SENP2: variants seen among roughly 807,000 people sequenced by gnomAD.
The protein encoded by SENP2 is sentrin-specific protease 2.
A neutral mutation model predicts 86.3 loss-of-function variants in SENP2; 16 were observed. That is an observed-to-expected ratio of 0.19 (90% confidence interval 0.13 to 0.28). The LOEUF is 0.28. Ranked by LOEUF, SENP2 falls within the 10% of genes least tolerant of loss-of-function variation. The probability of loss-of-function intolerance (pLI) is 1.00; values close to 1 mark genes in which losing one functional copy is unlikely to be tolerated. For synonymous variants in SENP2, 222 were observed against 238.7 expected (o/e 0.93, Z 0.64); for missense variants, 552 against 703.0 (o/e 0.79, Z 2.43).
At chr3:185,608,400 G>T (rs1218417759) in intron 6 of SENP2, among the ~76,000 whole-genome samples, 1 of 152,200 alleles carries the variant, frequency 6.6e-6, no homozygotes, top group Non-Finnish European at 1.5e-5. Context: ...AAAGTAGATA[G>T]AAGGGTCTGA....
At chr3:185,611,053 G>A (rs1722672707) in intron 7 of SENP2, among the ~76,000 whole-genome samples, 1 of 152,156 alleles carries the variant, frequency 6.6e-6, no homozygotes, top group African/African-American at 2.4e-5. Context: ...AGGCAGGTGG[G>A]TCACTGGAGG....
chr3:185,629,492 C>T (rs1014894587), intron 16 of SENP2, among the ~76,000 whole-genome samples: 4 of 151,758 alleles, frequency 2.6e-5, no homozygotes, highest in Non-Finnish European at 4.4e-5. Context: ...GGACAAGAAT[C>T]GCTCGAACCC....
intron 7 of SENP2, chr3:185,611,400 CTG>C: frequency 2.8e-6 from 1 of 352,756 alleles, no homozygotes; most frequent in Middle Eastern, 8.4e-4. Flanking sequence ...TAGTGCATCA[CTG>C]GGGATTCAGA....
intron 1 of SENP2, among the ~76,000 whole-genome samples, 189 bp from the exon 2 acceptor site, chr3:185,589,925 C>T (rs2148979200): frequency 6.6e-6 from 1 of 152,272 alleles, no homozygotes; most frequent in South Asian, 2.1e-4. Context: ...CCCTTGGCCT[C>T]CCAAAGTGCT....
At chr3:185,596,736 G>GAGTCTC (rs1722186744) in intron 2 of SENP2, among the ~76,000 whole-genome samples, 1 of 152,174 alleles carries the variant, frequency 6.6e-6, no homozygotes, top group Non-Finnish European at 1.5e-5. Context: ...GGGAAGTAAG[G>GAGTCTC]ACAAGCTAGT....
At chr3:185,595,238 A>G (rs1722137851) in intron 2 of SENP2, among the ~76,000 whole-genome samples, 1 of 152,174 alleles carries the variant, frequency 6.6e-6, no homozygotes, top group South Asian at 2.1e-4. Flanking sequence ...TAGTAGCCAC[A>G]ATTTGCTATG....
intron 2 of SENP2, 74 bp from the exon 3 acceptor site, chr3:185,598,338 C>G: frequency 6.7e-7 from 1 of 1,482,106 alleles, no homozygotes; most frequent in East Asian, 2.3e-5. Context: ...GAGAGAGGCT[C>G]TTTCCAAGAT....
chr3:185,597,810 C>T (rs751655836), intron 2 of SENP2, among the ~76,000 whole-genome samples: 13 of 151,968 alleles, frequency 8.6e-5, no homozygotes, highest in Non-Finnish European at 1.9e-4. Flanking sequence ...TGCGCCACCA[C>T]GCCCAGCTAA....
Position 185,633,375 on chromosome 3 carries a change from C to T in SENP2, c.*3531C>T, listed in dbSNP as rs1712571404. On this transcript the variant is annotated 3_prime_UTR_variant, in exon 17 of 17. Coordinates refer to ENST00000296257, the MANE Select transcript of SENP2 (RefSeq NM_021627.3). Reference sequence around the variant, plus strand: ...GAAAAACTCTGAAGCACCTGATATTCAAACAAACTTATGGTACTTACTAAC... The same window carrying T: ...GAAAAACTCTGAAGCACCTGATATTTAAACAAACTTATGGTACTTACTAAC... 1.4e-5 allele frequency: 2 copies of T among 144,784 alleles called. No homozygotes were observed. The highest frequency in any genetic ancestry group is 4.9e-4 in the South Asian group (2 of 4,084). 9.0% of individuals were successfully genotyped at this position (144,784 alleles called of 1,614,324 possible). A position where few individuals can be genotyped will look rare whatever the true frequency, so the allele number is the denominator to read the frequency against.
intron 13 of SENP2, among the ~76,000 whole-genome samples, chr3:185,621,176 A>AG (rs1553840526): frequency 4.1e-5 from 6 of 146,608 alleles, no homozygotes; most frequent in African/African-American, 1.0e-4. Context: ...AAAAAAAAAA[A>AG]AGAGAGAGAG....
chr3:185,600,712 A>G, intron 4 of SENP2, 53 bp from the exon 5 acceptor site: 1 of 1,190,042 alleles, frequency 8.4e-7, no homozygotes, highest in East Asian at 2.3e-5. Flanking sequence ...CCTTATGCAG[A>G]CTGTTTGCAA....
At chr3:185,588,101 A>G (rs1234797626) in intron 1 of SENP2, among the ~76,000 whole-genome samples, 1 of 112,602 alleles carries the variant, frequency 8.9e-6, no homozygotes, top group Non-Finnish European at 1.7e-5. Context: ...TCTGTCGCCC[A>G]GGCTGGAGTG....
intron 10 of SENP2, 108 bp downstream of exon 10, chr3:185,613,516 T>G (rs1722762545): frequency 1.5e-6 from 1 of 645,206 alleles, no homozygotes; most frequent in East Asian, 3.0e-5. Flanking sequence ...TGATTGTTAA[T>G]TCTGTTGTTT....
intron 15 of SENP2, among the ~76,000 whole-genome samples, chr3:185,625,217 T>C (rs567264619): frequency 6.6e-6 from 1 of 151,980 alleles, no homozygotes; most frequent in South Asian, 2.1e-4. Flanking sequence ...GTTCATACCA[T>C]TCTCCTGCCT....
intron 16 of SENP2, among the ~76,000 whole-genome samples, chr3:185,627,160 C>T (rs1251125616): frequency 6.6e-6 from 1 of 151,550 alleles, no homozygotes; most frequent in Non-Finnish European, 1.5e-5. Flanking sequence ...TAGCCCTACT[C>T]CTGCCAGAAT....
chr3:185,604,772 T>C (rs1392702746), intron 5 of SENP2, among the ~76,000 whole-genome samples: 3 of 151,982 alleles, frequency 2.0e-5, no homozygotes, highest in Non-Finnish European at 4.4e-5. Context: ...TCTTTTTTTT[T>C]TGAGATGGAG....
chr3:185,616,952 A>G lies in SENP2; in HGVS notation c.1111-528A>G, dbSNP rs528414601. The stretch of plus-strand genomic sequence containing the variant: ...TCAATTTTCTTCTCTATAAAATGAT[A>G]ATAATGTCTTCCTCACTAATATGGA... On this transcript the variant is annotated intron_variant, in intron 11 of 16. Transcript: ENST00000296257. Among the ~76,000 whole-genome samples, 73 of 152,154 alleles carry G rather than the reference A, an allele frequency of 4.8e-4. 1 individual carries two copies. Among genetic ancestry groups the G allele is most frequent in the Admixed American group, 7.9e-4 (12 of 15,260 alleles).
intron 2 of SENP2, among the ~76,000 whole-genome samples, chr3:185,591,632 T>G (rs1229254785): frequency 1.3e-5 from 2 of 152,184 alleles, no homozygotes; most frequent in African/African-American, 2.4e-5. Flanking sequence ...ATTACAGGCG[T>G]GAGCCCCCGC....
chr3:185,594,188 C>T (rs936360728), intron 2 of SENP2, among the ~76,000 whole-genome samples: 30 of 150,320 alleles, frequency 2.0e-4, no homozygotes, highest in Middle Eastern at 3.5e-3. Flanking sequence ...CACACACAAA[C>T]GTTGGTATTA....
Sources: gnomAD v4.1 joint callset for allele counts (sites outside exome capture counted in the v4.1 genomes callset) on GRCh38, gnomAD v4.1.1 for gene constraint, MANE v1.5 for transcripts, NCBI Gene and HGNC (gene_info 2026-07-23, HGNC 2026-07-21) for gene names.